The following SETDB1 variants were observed in gnomAD, a reference collection of about 807,000 sequenced individuals.
SETDB1 encodes the protein histone-lysine N-methyltransferase SETDB1.
A neutral mutation model predicts 137.4 loss-of-function variants in SETDB1; 31 were observed. That is an observed-to-expected ratio of 0.23 (90% CI 0.17 to 0.30). SETDB1 has a LOEUF of 0.30. Among genes scored for constraint, SETDB1 ranks in the 10% least tolerant of loss-of-function variants. SETDB1 has a pLI of 1.00. For synonymous variants in SETDB1, 548 were observed against 579.9 expected (o/e 0.95, Z 0.79); for missense variants, 1,113 against 1,631.5 (o/e 0.68, Z 5.47).
intron 2 of SETDB1, among the ~76,000 whole-genome samples, chr1:150,929,223 G>T (rs1475609606): frequency 2.6e-5 from 4 of 152,038 alleles, no homozygotes; most frequent in African/African-American, 9.7e-5. Context: ...GTGTAAAAGT[G>T]TTCCTGTTTC....
At chr1:150,944,600 A>G (rs982870237) in intron 8 of SETDB1, among the ~76,000 whole-genome samples, 53 of 152,218 alleles carry the variant, frequency 3.5e-4, no homozygotes, top group African/African-American at 1.3e-3. Flanking sequence ...ATCTTTTTAA[A>G]TTTACCACTA....
chr1:150,935,493 G>A (rs1417270685), intron 3 of SETDB1, among the ~76,000 whole-genome samples: 1 of 151,664 alleles, frequency 6.6e-6, no homozygotes, highest in African/African-American at 2.4e-5. Flanking sequence ...ATGGTGGAAT[G>A]CTTGACATTC....
chr1:150,936,633 T>C (rs780919996), intron 3 of SETDB1, among the ~76,000 whole-genome samples: 1 of 152,178 alleles, frequency 6.6e-6, no homozygotes, highest in Admixed American at 6.6e-5. Flanking sequence ...GTCTTTTTAG[T>C]GTATATACTG....
intron 2 of SETDB1, 109 bp downstream of exon 2, chr1:150,928,083 A>C: frequency 3.8e-6 from 5 of 1,309,998 alleles, no homozygotes; most frequent in Non-Finnish European, 4.2e-6. Flanking sequence ...TTTGAGACGG[A>C]GTCTCGCTCT....
chr1:150,948,270 ATTTT>A (rs376302541), intron 10 of SETDB1, among the ~76,000 whole-genome samples: 2 of 135,882 alleles, frequency 1.5e-5, no homozygotes. Flanking sequence ...CAGAGTAGCA[ATTTT>A]TTTTTTTTTT....
At chr1:150,946,046 G>A (rs914842932) in intron 9 of SETDB1, among the ~76,000 whole-genome samples, 1 of 151,566 alleles carries the variant, frequency 6.6e-6, no homozygotes, top group Non-Finnish European at 1.5e-5. Flanking sequence ...TTTTGAGACA[G>A]TCTCACTCTG....
intron 19 of SETDB1, 76 bp downstream of exon 19, chr1:150,963,215 AAAG>A (rs1670876742): frequency 1.0e-5 from 14 of 1,383,784 alleles, no homozygotes; most frequent in Non-Finnish European, 1.4e-5. Flanking sequence ...TAAGGAAGCT[AAAG>A]AAGTAGTGGG....
intron 3 of SETDB1, among the ~76,000 whole-genome samples, chr1:150,934,799 A>G (rs1669896814): frequency 1.3e-5 from 2 of 151,698 alleles, no homozygotes; most frequent in Admixed American, 6.6e-5. Context: ...GATTCCCTCA[A>G]TCTTCGTTTA....
At chr1:150,936,997 T>C (rs1312554233) in intron 3 of SETDB1, among the ~76,000 whole-genome samples, 2 of 152,012 alleles carry the variant, frequency 1.3e-5, no homozygotes, top group African/African-American at 2.4e-5. Flanking sequence ...TGGTGGTGGG[T>C]GCCTGTAATC....
intron 2 of SETDB1, among the ~76,000 whole-genome samples, chr1:150,929,536 AC>A (rs1469646108): frequency 6.6e-6 from 1 of 151,594 alleles, no homozygotes; most frequent in African/African-American, 2.4e-5. Flanking sequence ...GTGCCACCAC[AC>A]CCGGCTAATT....
At chr1:150,934,012 A>G (rs587739358) in intron 3 of SETDB1, among the ~76,000 whole-genome samples, 2 of 149,834 alleles carry the variant, frequency 1.3e-5, no homozygotes, top group South Asian at 4.2e-4. Context: ...CAAGCTCCCA[A>G]CCTCAGGTGA....
chr1:150,956,663 C>T (rs765794287), intron 14 of SETDB1, among the ~76,000 whole-genome samples: 1 of 152,036 alleles, frequency 6.6e-6, no homozygotes, highest in African/African-American at 2.4e-5. Context: ...TCTGTATAGA[C>T]TTACGTGTAC....
chr1:150,936,303 T>A (rs1395268322), intron 3 of SETDB1, among the ~76,000 whole-genome samples: 5 of 152,210 alleles, frequency 3.3e-5, no homozygotes, highest in Non-Finnish European at 1.5e-5. Flanking sequence ...TCAGTTTTTT[T>A]ATTTTAACTT....
intron 20 of SETDB1, 46 bp downstream of exon 20, chr1:150,963,787 C>A: frequency 6.4e-7 from 1 of 1,572,176 alleles, no homozygotes; most frequent in South Asian, 1.1e-5. Flanking sequence ...ATCCCATGGT[C>A]CTCAGATTTC....
rs1380540350 is a variant in SETDB1 at position 150,926,482 on chromosome 1, T to A, written c.-47T>A. On this transcript the variant is annotated 5_prime_UTR_variant, in exon 1 of 22. Coordinates refer to ENST00000692827, the MANE Select transcript of SETDB1 (RefSeq NM_001366418.1). ...CTGAGTTGTGAGTCTGGGGTCTGGT[T>A]GGTGAAAAAGAGCCCTTGAAGCTGG... The A allele has an allele frequency of 3.1e-6, 1 of 323,888 alleles. No individual in the cohort carries two copies. The highest frequency in any genetic ancestry group is 5.9e-6 in the Non-Finnish European group (1 of 168,980). 20.1% of individuals were successfully genotyped at this position (323,888 alleles called of 1,614,324 possible). A position where few individuals can be genotyped will look rare whatever the true frequency, so the allele number is the denominator to read the frequency against.
intron 6 of SETDB1, 39 bp from the exon 7 acceptor site, chr1:150,942,813 G>T: frequency 6.2e-7 from 1 of 1,602,680 alleles, no homozygotes; most frequent in South Asian, 1.1e-5. Context: ...TACAGAAACT[G>T]GCAGTGTTTA....
chr1:150,947,502 G>T (rs903258721), intron 10 of SETDB1, among the ~76,000 whole-genome samples: 1 of 152,062 alleles, frequency 6.6e-6, no homozygotes, highest in Non-Finnish European at 1.5e-5. Context: ...CAGGCACAGT[G>T]GCTGACATCT....
At chr1:150,958,881 C>CT (rs1218346961) in intron 14 of SETDB1, among the ~76,000 whole-genome samples, 1 of 152,012 alleles carries the variant, frequency 6.6e-6, no homozygotes, top group Non-Finnish European at 1.5e-5. Flanking sequence ...TTATAGTTTA[C>CT]TTAGCTTTTC....
chr1:150,963,663 ACG>A lies in SETDB1; in HGVS notation c.3596_3597del (p.Arg1199ProfsTer4). On this transcript the variant is annotated frameshift_variant, in exon 20 of 22. Transcript: ENST00000692827. LOFTEE classifies it high-confidence loss of function. Reference sequence around the variant, plus strand: ...AGAGCGCACCTGTTCGTAAGAACACACGCCAATTCTATGATGGCGAGGAGTCT... The same window carrying A: ...AGAGCGCACCTGTTCGTAAGAACACACCAATTCTATGATGGCGAGGAGTCT... The part of the protein sequence containing the change: ...GESAPVRKNT[R>X]QFYDGEESCY... The A allele has an allele frequency of 6.2e-7, 1 of 1,614,172 alleles. No individual in the cohort carries two copies. Among genetic ancestry groups the A allele is most frequent in the Non-Finnish European group, 8.5e-7 (1 of 1,180,036 alleles).
Sources: allele counts gnomAD v4.1 joint callset (sites outside exome capture counted in the v4.1 genomes callset), GRCh38; gene constraint gnomAD v4.1.1; transcripts MANE v1.5; gene names NCBI Gene and HGNC (gene_info 2026-07-23, HGNC 2026-07-21).